Variants in NSD3 observed in about 807,000 individuals in gnomAD.
The protein encoded by NSD3 is nuclear receptor binding SET domain protein 3, also known as histone-lysine N-methyltransferase NSD3.
Under a neutral mutation model 160.8 loss-of-function variants are expected in NSD3, and 24 were observed. The observed-to-expected ratio is 0.15, with a 90% CI of 0.11 to 0.21. NSD3 has a LOEUF of 0.21. NSD3 is among the 10% of genes least tolerant of loss of function. NSD3 has a pLI of 1.00. For missense variants in NSD3, 1,157 were observed against 1,735.9 expected (o/e 0.67, Z 5.93); for synonymous variants, 520 against 600.0 (o/e 0.87, Z 1.95).
At chr8:38,350,908 T>C (rs1431179966) in intron 1 of NSD3, among the ~76,000 whole-genome samples, 1 of 151,884 alleles carries the variant, frequency 6.6e-6, no homozygotes, top group African/African-American at 2.4e-5. Flanking sequence ...CATCACAGAA[T>C]AGAAGATTAA....
Position 38,317,319 on chromosome 8 carries a change from C to A in NSD3, c.1856-1277G>T. 16 of 1,058,350 alleles carry A rather than the reference C, an allele frequency of 1.5e-5. No homozygotes were observed. The highest frequency in any genetic ancestry group is 1.8e-5 in the Non-Finnish European group (16 of 874,812). The allele number at this position is 1,058,350 out of a possible 1,614,324, so 65.6% of individuals were successfully genotyped here. On this transcript the variant is annotated intron_variant, in intron 9 of 23. Transcript: ENST00000317025. The surrounding 1 kb of genome is among the most constrained non-coding windows in gnomAD (Gnocchi z 5.3). ...TAATGCTGATTAAAAAACACAAGTACACAAATCTATCTCCTTCATTGCTGG... is the reference window on the plus strand; with the variant it reads ...TAATGCTGATTAAAAAACACAAGTAAACAAATCTATCTCCTTCATTGCTGG...
intron 1 of NSD3, among the ~76,000 whole-genome samples, chr8:38,375,640 TAATATAAC>T (rs1422268434): frequency 1.3e-5 from 2 of 151,998 alleles, no homozygotes; most frequent in Non-Finnish European, 2.9e-5. Flanking sequence ...TTGTCCTTGT[TAATATAAC>T]AATATAAGTA....
chr8:38,340,953 A>C (rs1234676143), intron 2 of NSD3, among the ~76,000 whole-genome samples: 1 of 151,002 alleles, frequency 6.6e-6, no homozygotes, highest in Non-Finnish European at 1.5e-5. Flanking sequence ...TCTTGAGGCC[A>C]AGAGTTCAAG....
intron 2 of NSD3, among the ~76,000 whole-genome samples, chr8:38,342,409 C>T (rs558362937): frequency 1.3e-5 from 2 of 152,168 alleles, no homozygotes; most frequent in African/African-American, 4.8e-5. Flanking sequence ...AGTTAGCTCT[C>T]CTTAATGTTC....
chr8:38,365,752 C>CAATAAG (rs1811090868), intron 1 of NSD3, among the ~76,000 whole-genome samples: 1 of 151,908 alleles, frequency 6.6e-6, no homozygotes, highest in South Asian at 2.1e-4. Flanking sequence ...GGCTTAGATT[C>CAATAAG]TTATTAAAAA....
Position 38,272,208 on chromosome 8 carries a change from A to G in NSD3, c.*3433T>C, listed in dbSNP as rs964112953. ...AGCTGGGAGCAGTCCCCCTGCCTCC[A>G]TTACTTTTTTAGCTTTCACATATGT... On this transcript the variant is annotated 3_prime_UTR_variant, in exon 24 of 24. Transcript: ENST00000317025. 3 of 152,208 alleles carry G rather than the reference A, an allele frequency of 2.0e-5. No individual in the cohort carries two copies. Among genetic ancestry groups the G allele is most frequent in the African/African-American group, 7.2e-5 (3 of 41,438 alleles). 9.4% of individuals were successfully genotyped at this position (152,208 alleles called of 1,614,324 possible). A position where few individuals can be genotyped will look rare whatever the true frequency, so the allele number is the denominator to read the frequency against.
intron 14 of NSD3, among the ~76,000 whole-genome samples, chr8:38,303,916 C>T (rs188854134): frequency 1.4e-3 from 214 of 152,320 alleles, no homozygotes; most frequent in Non-Finnish European, 2.7e-3. Context: ...TTCTGTATAA[C>T]ATTCAACTAA....
intron 22 of NSD3, among the ~76,000 whole-genome samples, chr8:38,277,939 CT>C (rs1212507237): frequency 3.0e-3 from 408 of 136,388 alleles, no homozygotes; most frequent in Middle Eastern, 3.9e-3. Flanking sequence ...AAACAGACTT[CT>C]TTTTTTTTTT....
At position 38,316,864 on chromosome 8, in the gene NSD3, G is replaced by A. The variant is rs1809679154; in HGVS notation, c.1856-822C>T. 8 of 1,062,678 alleles carry A rather than the reference G, an allele frequency of 7.5e-6. No homozygotes were observed. The highest frequency in any genetic ancestry group is 9.1e-6 in the Non-Finnish European group (8 of 877,446). 65.8% of individuals were successfully genotyped at this position (1,062,678 alleles called of 1,614,324 possible). ...TCCAGCCAAAACAATAGTGCAAAAAGTTACAAAGCAACAATCTCTTGGGCT... is the reference window on the plus strand; with the variant it reads ...TCCAGCCAAAACAATAGTGCAAAAAATTACAAAGCAACAATCTCTTGGGCT... On this transcript the variant is annotated intron_variant, in intron 9 of 23. Transcript: ENST00000317025. The surrounding 1 kb of genome is among the most constrained non-coding windows in gnomAD (Gnocchi z 4.5).
intron 16 of NSD3, among the ~76,000 whole-genome samples, chr8:38,294,678 A>G (rs1809088271): frequency 6.6e-6 from 1 of 152,116 alleles, no homozygotes; most frequent in African/African-American, 2.4e-5. Context: ...ATTAAGACAC[A>G]AAGAAAATAT....
chr8:38,284,957 A>T (rs1808824437), intron 19 of NSD3, among the ~76,000 whole-genome samples: 1 of 152,274 alleles, frequency 6.6e-6, no homozygotes, highest in African/African-American at 2.4e-5. Context: ...AATATTTCAG[A>T]TGTCCTGAGA....
chr8:38,302,215 C>G (rs1274340839), intron 14 of NSD3, among the ~76,000 whole-genome samples: 1 of 152,158 alleles, frequency 6.6e-6, no homozygotes, highest in Admixed American at 6.5e-5. Context: ...GCAAAACAAG[C>G]TAAGTTTTCT....
intron 2 of NSD3, 53 bp downstream of exon 2, chr8:38,347,444 T>C: frequency 2.6e-6 from 4 of 1,521,144 alleles, no homozygotes; most frequent in Non-Finnish European, 3.5e-6. Flanking sequence ...TCTCTTGAAC[T>C]TCCAGTAAAT....
chr8:38,303,541 T>C (rs1241766894), intron 14 of NSD3: 1 of 311,210 alleles, frequency 3.2e-6, no homozygotes, highest in Non-Finnish European at 4.7e-6. Context: ...AATCTTTTAC[T>C]GCCTACCTCC....
rs1298443324 is a variant in NSD3 at position 38,279,759 on chromosome 8, G to A, written c.3619-78C>T. ...ACATCCAACTCAGTCAAGGATCACA[G>A]GCAGCAGCATTTTGCTACCAACTGG... On this transcript the variant is annotated intron_variant, in intron 20 of 23. Transcript: ENST00000317025. The A allele has an allele frequency of 2.2e-5, 33 of 1,494,960 alleles. No homozygotes were observed. The Admixed American group carries it at 5.4e-4, about 25-fold the overall frequency. The allele number at this position is 1,494,960 out of a possible 1,614,324, so 92.6% of individuals were successfully genotyped here.
intron 1 of NSD3, among the ~76,000 whole-genome samples, chr8:38,356,706 G>A (rs1810832565): frequency 6.6e-6 from 1 of 152,098 alleles, no homozygotes. Context: ...TATTTCTGTG[G>A]AATGTATTGC....
At chr8:38,370,288 A>G (rs1811211400) in intron 1 of NSD3, among the ~76,000 whole-genome samples, 1 of 152,130 alleles carries the variant, frequency 6.6e-6, no homozygotes, top group South Asian at 2.1e-4. Flanking sequence ...TTTCTAAAAT[A>G]AAGTGTTTCT....
At position 38,275,815 on chromosome 8, in the gene NSD3, G is replaced by A; in HGVS notation, c.4140C>T (p.Phe1380=). 1.2e-6 allele frequency: 2 copies of A among 1,614,164 alleles called. No individual in the cohort carries two copies. The highest frequency in any genetic ancestry group is 2.2e-5 in the South Asian group (2 of 91,080). Residue 1380 remains phenylalanine, a synonymous_variant, in exon 24 of 24, where the codon TTC becomes TTT. Coordinates refer to ENST00000317025, the MANE Select transcript of NSD3 (RefSeq NM_023034.2). ...GATCTTTACAAAATGAATGTGGACA[G>A]AATTCACAGAAGGAAACAGCTGCAC... ...CSSAAVSFCE[F]CPHSFCKDHE...
chr8:38,276,352 T>C lies in NSD3; in HGVS notation c.4016A>G (p.Lys1339Arg). Residue 1339 changes from lysine to arginine, a missense_variant, in exon 23 of 24, where the codon AAA becomes AGA. By Grantham distance (26) the Lys-to-Arg change is conservative. Coordinates refer to ENST00000317025, the MANE Select transcript of NSD3 (RefSeq NM_023034.2). ...DGGELVMCDK[K>R]DCPKAYHLLC... ...GAGGTGGTATGCTTTGGGACAGTCT[T>C]TTTTGTCACACATGACCAGCTCTCC... is the stretch of plus-strand genomic sequence containing the variant. 2 of 1,614,200 alleles carry C rather than the reference T, an allele frequency of 1.2e-6. No homozygotes were observed. Among genetic ancestry groups the C allele is most frequent in the African/African-American group, 2.7e-5 (2 of 75,036 alleles).
Sources: gnomAD v4.1 joint callset for allele counts (sites outside exome capture counted in the v4.1 genomes callset) on GRCh38, gnomAD v4.1.1 for gene constraint, Gnocchi (gnomAD v3.1) non-coding constraint, MANE v1.5 for transcripts, NCBI Gene and HGNC (gene_info 2026-07-23, HGNC 2026-07-21) for gene names.